The following CPS1 variants were observed in gnomAD, a reference collection of about 807,000 sequenced individuals.
CPS1 encodes carbamoyl-phosphate synthase [ammonia], mitochondrial.
Under a neutral mutation model 174.6 loss-of-function variants are expected in CPS1, and 109 were observed. That is an observed-to-expected ratio of 0.62 (90% confidence interval 0.53 to 0.73). CPS1 has a LOEUF of 0.73. CPS1 is among the 30% of genes least tolerant of loss of function. CPS1 has a pLI of 0.00. For synonymous variants in CPS1, 637 were observed against 632.0 expected (o/e 1.01, Z -0.12); for missense variants, 1,689 against 1,821.9 (o/e 0.93, Z 1.33).
intron 21 of CPS1, among the ~76,000 whole-genome samples, chr2:210,623,503 A>C (rs899635983): frequency 1.3e-5 from 2 of 152,028 alleles, no homozygotes; most frequent in Admixed American, 6.6e-5. Context: ...TATAGTTTTA[A>C]AAAAAAGAGT....
chr2:210,663,235 C>G (rs1444196935), intron 33 of CPS1, 38 bp downstream of exon 33: 1 of 1,561,744 alleles, frequency 6.4e-7, no homozygotes, highest in African/African-American at 1.4e-5. Flanking sequence ...TTCATTAAAT[C>G]TACTTTGAAA....
chr2:210,639,183 A>G lies in CPS1; in HGVS notation c.2863A>G (p.Thr955Ala), dbSNP rs754055528. The G allele has an allele frequency of 3.7e-6, 6 of 1,613,454 alleles. No homozygotes were observed. The Middle Eastern group carries it at 4.9e-4, about 133-fold the overall frequency. Residue 955 changes from threonine to alanine, a missense_variant, in exon 23 of 38, where the codon ACA becomes GCA. Thr to Ala is a moderately conservative substitution (Grantham distance 58, BLOSUM62 0). Coordinates refer to ENST00000233072, the MANE Select transcript of CPS1 (RefSeq NM_001875.5). The part of the protein sequence containing the change: ...DTLAAEYPSV[T>A]NYLYVTYNGQ... The stretch of plus-strand genomic sequence containing the variant: ...ACTGGCTGCAGAATACCCATCAGTA[A>G]CAAACTATCTCTATGTTACCTACAA...
chr2:210,513,394 C>T (rs2105979077), intron 1 of CPS1, among the ~76,000 whole-genome samples: 1 of 151,886 alleles, frequency 6.6e-6, no homozygotes, highest in Admixed American at 6.6e-5. Flanking sequence ...GATGGAATCT[C>T]ACTGTGGTTT....
At chr2:210,491,583 G>T (rs1694879377) in intron 1 of CPS1, among the ~76,000 whole-genome samples, 2 of 152,062 alleles carry the variant, frequency 1.3e-5, no homozygotes, top group South Asian at 4.2e-4. Context: ...AAAGTGCTGG[G>T]ATTAGAGGCA....
At chr2:210,510,677 C>G (rs189359016) in intron 1 of CPS1, among the ~76,000 whole-genome samples, 9 of 151,832 alleles carry the variant, frequency 5.9e-5, no homozygotes, top group Non-Finnish European at 1.2e-4. Context: ...AGAACTCAAA[C>G]AAATTTACAA....
chr2:210,613,109 G>A (rs1699185340), intron 20 of CPS1, among the ~76,000 whole-genome samples: 1 of 151,904 alleles, frequency 6.6e-6, no homozygotes, highest in African/African-American at 2.4e-5. Flanking sequence ...TTATGTTTGT[G>A]TGTGTGTATG....
At position 210,620,460 on chromosome 2, in the gene CPS1, A is replaced by G. The variant is rs142700264; in HGVS notation, c.2687+3919A>G. Among the ~76,000 whole-genome samples the G allele has an allele frequency of 2.4e-3, 365 of 152,182 alleles. 4 individuals carry two copies. The Middle Eastern group carries it at 0.058, about 24-fold the overall frequency. On this transcript the variant is annotated intron_variant, in intron 21 of 37. Transcript: ENST00000233072. The stretch of plus-strand genomic sequence containing the variant: ...ACAAGAGGGATAGGTGTATTAGGCC[A>G]TTCTTGCATTGCTATGAAGAAATAT...
chr2:210,554,121 GTATA>G (rs1191625131), upstream of CPS1, among the ~76,000 whole-genome samples: 2 of 135,926 alleles, frequency 1.5e-5, no homozygotes, highest in African/African-American at 2.7e-5. Context: ...ATATATGTAT[GTATA>G]TATACATACA....
rs1176602538 is a variant in CPS1 at position 210,507,896 on chromosome 2, C to A, written c.3+30130C>A. ...CATAAAGCAAGTCCTTAGAGACCTACAAAGAGACTTAGACTCCCACACAAT... is the reference window on the plus strand; with the variant it reads ...CATAAAGCAAGTCCTTAGAGACCTAAAAAGAGACTTAGACTCCCACACAAT... On this transcript the variant is annotated intron_variant, in intron 1 of 38. Coordinates refer to the CPS1 transcript ENST00000430249. Among the ~76,000 whole-genome samples the A allele has an allele frequency of 4.6e-5, 7 of 150,600 alleles. No individual in the cohort carries two copies. In the East Asian group the frequency reaches 1.2e-3, roughly 25 times the overall value.
chr2:210,626,758 C>T (rs377745072), intron 21 of CPS1, among the ~76,000 whole-genome samples: 5 of 152,134 alleles, frequency 3.3e-5, no homozygotes, highest in Non-Finnish European at 1.5e-5. Context: ...TATTCACAGA[C>T]ATTTTCAACT....
chr2:210,639,975 T>G (rs1343661678), intron 23 of CPS1, 21 bp from the exon 24 acceptor site: 1 of 1,577,236 alleles, frequency 6.3e-7, no homozygotes, highest in Non-Finnish European at 8.7e-7. Context: ...TTTCTGCATC[T>G]TCCTTTTCTT....
intron 1 of CPS1, among the ~76,000 whole-genome samples, chr2:210,534,199 C>T (rs974230216): frequency 2.0e-5 from 3 of 152,150 alleles, no homozygotes; most frequent in Non-Finnish European, 2.9e-5. Context: ...AGAGACTGCT[C>T]GCGAGGGGCT....
chr2:210,596,908 T>G (rs553691514), intron 13 of CPS1, among the ~76,000 whole-genome samples: 2 of 151,552 alleles, frequency 1.3e-5, no homozygotes, highest in Non-Finnish European at 3.0e-5. Flanking sequence ...ACTTAGAAGG[T>G]TAATAACTAG....
chr2:210,486,362 T>TA (rs1435176562), intron 1 of CPS1, among the ~76,000 whole-genome samples: 2 of 152,174 alleles, frequency 1.3e-5, no homozygotes, highest in Non-Finnish European at 2.9e-5. Context: ...TTCATTCTCT[T>TA]AAATGTCTTT....
intron 34 of CPS1, 53 bp from the exon 35 acceptor site, chr2:210,674,849 T>C: frequency 7.4e-7 from 1 of 1,356,096 alleles, no homozygotes; most frequent in Non-Finnish European, 1.1e-6. Context: ...CCATATTGCA[T>C]AAATGAAGAG....
chr2:210,545,729 A>G (rs929111646), intron 1 of CPS1, among the ~76,000 whole-genome samples: 1 of 152,030 alleles, frequency 6.6e-6, no homozygotes, highest in Non-Finnish European at 1.5e-5. Context: ...TGCGTAGAGG[A>G]TATTTACAAT....
upstream of CPS1, chr2:210,555,720 C>A: frequency 2.2e-6 from 1 of 454,418 alleles, no homozygotes; most frequent in South Asian, 1.6e-5. Context: ...TGCTGCAGTA[C>A]TTCCTGTTCT....
intron 21 of CPS1, chr2:210,619,830 G>A (rs1347190227): frequency 3.4e-5 from 5 of 149,118 alleles, no homozygotes; most frequent in Non-Finnish European, 1.5e-5. Context: ...TCTGACTTGT[G>A]TTTACATATA....
At chr2:210,588,489 A>G (rs1368110330) in intron 7 of CPS1, among the ~76,000 whole-genome samples, 3 of 152,070 alleles carry the variant, frequency 2.0e-5, no homozygotes, top group Admixed American at 1.3e-4. Context: ...GTCTGATAGC[A>G]TCTCCTTTGG....
Sources: allele counts gnomAD v4.1 joint callset (sites outside exome capture counted in the v4.1 genomes callset), GRCh38; gene constraint gnomAD v4.1.1; transcripts MANE v1.5; gene names NCBI Gene and HGNC (gene_info 2026-07-23, HGNC 2026-07-21).